The following MSRA variants were observed in gnomAD, a reference collection of about 807,000 sequenced individuals.
MSRA encodes methionine sulfoxide reductase A, also known as mitochondrial peptide methionine sulfoxide reductase.
In MSRA, 54 loss-of-function variants were observed where a neutral mutation model predicts 31.3. The observed-to-expected ratio is 1.73, with a 90% CI of 1.39 to 2.17. The LOEUF (loss-of-function observed/expected upper bound fraction) is 2.17, where lower values mean the gene tolerates loss of function less well. Ranked by LOEUF, MSRA falls within the 30% of genes most tolerant of loss-of-function variation. The probability of loss-of-function intolerance (pLI) is 0.00; values close to 1 mark genes in which losing one functional copy is unlikely to be tolerated. For missense variants in MSRA, 507 were observed against 300.9 expected (o/e 1.69, Z -5.07); for synonymous variants, 169 against 116.5 (o/e 1.45, Z -2.90).
chr8:10,417,419 G>GACACACACAC (rs1184991397), intron 5 of MSRA, among the ~76,000 whole-genome samples: 26,895 of 145,192 alleles, frequency 0.19, 2,605 homozygotes, highest in East Asian at 0.24. Flanking sequence ...TTCGTCAGAA[G>GACACACACAC]ACACACACAC....
chr8:10,214,350 T>A (rs989901448), intron 2 of MSRA, among the ~76,000 whole-genome samples: 2 of 152,030 alleles, frequency 1.3e-5, no homozygotes, highest in Non-Finnish European at 2.9e-5. Context: ...GATGAACCAA[T>A]CACAAGAAAT....
At chr8:10,268,557 T>C (rs1563289888) in intron 3 of MSRA, among the ~76,000 whole-genome samples, 1 of 152,222 alleles carries the variant, frequency 6.6e-6, no homozygotes, top group Non-Finnish European at 1.5e-5. Context: ...TCATCTAGAC[T>C]AGCGCCTAGC....
At position 10,054,315 on chromosome 8, in the gene MSRA, G is replaced by A. The variant is rs1802155943; in HGVS notation, c.-202G>A. ...CTGTCCAGGGAAGGAACACGCCCCCGGTGACAGCCGGTACGGCCCCGGGTT... is the reference window on the plus strand; with the variant it reads ...CTGTCCAGGGAAGGAACACGCCCCCAGTGACAGCCGGTACGGCCCCGGGTT... On this transcript the variant is annotated 5_prime_UTR_variant, in exon 1 of 6. Transcript: ENST00000317173. 5.1e-6 allele frequency: 2 copies of A among 392,384 alleles called. No individual in the cohort carries two copies. Among genetic ancestry groups the A allele is most frequent in the Non-Finnish European group, 8.6e-6 (2 of 232,728 alleles). The allele number at this position is 392,384 out of a possible 1,614,324, so 24.3% of individuals were successfully genotyped here. A position where few individuals can be genotyped will look rare whatever the true frequency, so the allele number is the denominator to read the frequency against.
At chr8:10,273,071 T>C (rs904516491) in intron 3 of MSRA, among the ~76,000 whole-genome samples, 1 of 152,226 alleles carries the variant, frequency 6.6e-6, no homozygotes, top group African/African-American at 2.4e-5. Context: ...GTTAGTAAGA[T>C]AATTCTGAAA....
At chr8:10,356,825 C>T (rs770317315) in intron 5 of MSRA, among the ~76,000 whole-genome samples, 12 of 149,030 alleles carry the variant, frequency 8.1e-5, no homozygotes, top group Non-Finnish European at 1.2e-4. Flanking sequence ...TATGTTGTTA[C>T]GGCAGCCCGA....
chr8:10,305,478 A>T (rs1325747380), intron 4 of MSRA, among the ~76,000 whole-genome samples: 1 of 137,324 alleles, frequency 7.3e-6, no homozygotes, highest in East Asian at 2.1e-4. Context: ...CCGTGGTGTG[A>T]TCTTGGCTCA....
intron 1 of MSRA, among the ~76,000 whole-genome samples, chr8:10,066,410 C>T (rs1797456615): frequency 6.6e-6 from 1 of 152,212 alleles, no homozygotes; most frequent in Non-Finnish European, 1.5e-5. Context: ...TCTCTGTATT[C>T]ATAAAATCAT....
At chr8:10,428,006 C>G in intron 5 of MSRA, 142 bp from the exon 6 acceptor site, 1 of 781,450 alleles carries the variant, frequency 1.3e-6, no homozygotes, top group African/African-American at 1.8e-5. Flanking sequence ...ACTTGGAATG[C>G]GGAGAGCCCG....
chr8:10,313,412 G>C (rs1801542666), intron 4 of MSRA, among the ~76,000 whole-genome samples: 1 of 151,708 alleles, frequency 6.6e-6, no homozygotes, highest in Admixed American at 6.6e-5. Flanking sequence ...GGAATTTCAG[G>C]GTTTACTTAT....
intron 2 of MSRA, among the ~76,000 whole-genome samples, chr8:10,225,963 T>C (rs528905143): frequency 6.6e-6 from 1 of 152,244 alleles, no homozygotes; most frequent in South Asian, 2.1e-4. Flanking sequence ...TGGCATGCCA[T>C]AGGAAAAAAT....
intron 2 of MSRA, among the ~76,000 whole-genome samples, chr8:10,218,798 T>TA (rs1170087538): frequency 1.3e-5 from 2 of 152,248 alleles, no homozygotes; most frequent in Non-Finnish European, 2.9e-5. Flanking sequence ...ATGACCATTT[T>TA]CACTTGGGCG....
chr8:10,377,736 C>T (rs1034478676), intron 5 of MSRA, among the ~76,000 whole-genome samples: 1 of 152,216 alleles, frequency 6.6e-6, no homozygotes, highest in Non-Finnish European at 1.5e-5. Flanking sequence ...ATTGGAACCT[C>T]TGCTGGGTTC....
intron 1 of MSRA, among the ~76,000 whole-genome samples, chr8:10,084,263 C>G (rs1383972706): frequency 2.6e-5 from 4 of 152,242 alleles, no homozygotes; most frequent in Non-Finnish European, 4.4e-5. Context: ...GGGCCTTAGC[C>G]TCTTTCTTTA....
At chr8:10,342,673 A>T (rs979470021) in intron 5 of MSRA, among the ~76,000 whole-genome samples, 1 of 152,208 alleles carries the variant, frequency 6.6e-6, no homozygotes, top group African/African-American at 2.4e-5. Context: ...AGTCCAGCGC[A>T]GTTCCCTGGC....
At chr8:10,195,061 T>C (rs988554302) in intron 1 of MSRA, among the ~76,000 whole-genome samples, 6 of 152,268 alleles carry the variant, frequency 3.9e-5, no homozygotes, top group Non-Finnish European at 7.3e-5. Flanking sequence ...TCTGTAACTA[T>C]AGTTACCCTA....
chr8:10,326,731 T>C (rs544198038), intron 5 of MSRA: 1 of 152,330 alleles, frequency 6.6e-6, no homozygotes, highest in African/African-American at 2.4e-5. Flanking sequence ...GGTGGAGTTA[T>C]TTGCTTATAG....
chr8:10,235,382 A>T (rs976033299), intron 2 of MSRA, among the ~76,000 whole-genome samples: 1 of 152,176 alleles, frequency 6.6e-6, no homozygotes, highest in South Asian at 2.1e-4. Context: ...CTACATATCT[A>T]TACGTGAGAT....
At chr8:10,190,680 T>G (rs565181349) in intron 1 of MSRA, among the ~76,000 whole-genome samples, 7 of 152,334 alleles carry the variant, frequency 4.6e-5, no homozygotes, top group East Asian at 3.9e-4. Context: ...TATTAGACTT[T>G]CCATTAACCT....
At chr8:10,152,661 GAAGA>G (rs1405385470) in intron 1 of MSRA, among the ~76,000 whole-genome samples, 2 of 152,164 alleles carry the variant, frequency 1.3e-5, no homozygotes, top group Admixed American at 1.3e-4. Flanking sequence ...AAAATCATAT[GAAGA>G]AAGAGGAAGC....
Sources: gnomAD v4.1 joint callset for allele counts (sites outside exome capture counted in the v4.1 genomes callset) on GRCh38, gnomAD v4.1.1 for gene constraint, MANE v1.5 for transcripts, NCBI Gene and HGNC (gene_info 2026-07-23, HGNC 2026-07-21) for gene names.